Variants in ITGBL1 observed in about 807,000 individuals in gnomAD.
ITGBL1 encodes integrin subunit beta like 1.
Under a neutral mutation model 68.5 loss-of-function variants are expected in ITGBL1, and 51 were observed. That is an observed-to-expected ratio of 0.74 (90% confidence interval 0.59 to 0.94). The LOEUF (loss-of-function observed/expected upper bound fraction) is 0.94, where lower values mean the gene tolerates loss of function less well. Ranked by LOEUF, ITGBL1 falls within the 40% of genes least tolerant of loss-of-function variation. The pLI is 0.00. For synonymous variants in ITGBL1, 209 were observed against 227.3 expected (o/e 0.92, Z 0.72); for missense variants, 649 against 647.4 (o/e 1.00, Z -0.03).
chr13:101,518,744 A>G (rs9557683), intron 2 of ITGBL1, among the ~76,000 whole-genome samples: 31,587 of 152,172 alleles, frequency 0.21, 3,615 homozygotes, highest in East Asian at 0.44. Flanking sequence ...GTTTTTATCA[A>G]TGTAACAATA....
At chr13:101,575,622 C>A in intron 4 of ITGBL1, 76 bp downstream of exon 4, 1 of 1,437,184 alleles carries the variant, frequency 7.0e-7, no homozygotes, top group Non-Finnish European at 9.7e-7. Context: ...TTTATCTCTA[C>A]ATAAGTTTCT....
chr13:101,598,141 C>G lies in ITGBL1; in HGVS notation c.869-12C>G, dbSNP rs745810021. 9 of 1,582,662 alleles carry G rather than the reference C, an allele frequency of 5.7e-6. No individual in the cohort carries two copies. Among genetic ancestry groups the G allele is most frequent in the Non-Finnish European group, 7.7e-6 (9 of 1,169,010 alleles). On this transcript the variant is annotated splice_polypyrimidine_tract_variant and intron_variant, in intron 6 of 10. Coordinates refer to ENST00000376180, the MANE Select transcript of ITGBL1 (RefSeq NM_004791.3). ...ATGTACATTTTTATTTTTTGCCACT[C>G]TCACTGTGAAGGTCATGGACAGTGT...
At chr13:101,699,911 G>T (rs922218038) in intron 8 of ITGBL1, among the ~76,000 whole-genome samples, 12 of 152,044 alleles carry the variant, frequency 7.9e-5, no homozygotes, top group Non-Finnish European at 5.9e-5. Context: ...CTCCAGTATG[G>T]GACACGCTCC....
At chr13:101,592,736 T>G (rs1450802887) in intron 6 of ITGBL1, among the ~76,000 whole-genome samples, 1 of 152,084 alleles carries the variant, frequency 6.6e-6, no homozygotes. Flanking sequence ...TGCAGAAGAA[T>G]GAGATTAAAT....
intron 7 of ITGBL1, among the ~76,000 whole-genome samples, chr13:101,601,229 G>A (rs547853783): frequency 6.6e-6 from 1 of 152,308 alleles, no homozygotes; most frequent in South Asian, 2.1e-4. Flanking sequence ...GCGTAGAGGT[G>A]TTTATAGTAT....
intron 3 of ITGBL1, among the ~76,000 whole-genome samples, chr13:101,569,148 G>A (rs1156585115): frequency 1.3e-5 from 2 of 151,184 alleles, no homozygotes; most frequent in Non-Finnish European, 2.9e-5. Flanking sequence ...GCCCCATAGC[G>A]TCTTTCATCT....
chr13:101,661,285 A>G (rs1264316570), intron 7 of ITGBL1, among the ~76,000 whole-genome samples: 1 of 152,148 alleles, frequency 6.6e-6, no homozygotes, highest in Non-Finnish European at 1.5e-5. Context: ...TAAACTCCGG[A>G]ATATCTTGAA....
chr13:101,569,756 A>G (rs2050243456), intron 3 of ITGBL1, among the ~76,000 whole-genome samples: 1 of 152,158 alleles, frequency 6.6e-6, no homozygotes, highest in Non-Finnish European at 1.5e-5. Flanking sequence ...ATTCTTAGGT[A>G]AAACACTAGA....
At chr13:101,462,462 A>G (rs1367743237) in intron 2 of ITGBL1, among the ~76,000 whole-genome samples, 2 of 152,208 alleles carry the variant, frequency 1.3e-5, no homozygotes, top group Non-Finnish European at 2.9e-5. Flanking sequence ...ATGGCAAGGG[A>G]GAGGTTCCAA....
chr13:101,513,966 T>A (rs1479038367), intron 2 of ITGBL1, among the ~76,000 whole-genome samples: 1 of 152,046 alleles, frequency 6.6e-6, no homozygotes, highest in Non-Finnish European at 1.5e-5. Context: ...TATATAGTGT[T>A]TGTTTATTCA....
intron 2 of ITGBL1, among the ~76,000 whole-genome samples, chr13:101,489,434 A>C (rs1421272817): frequency 6.6e-6 from 1 of 152,150 alleles, no homozygotes; most frequent in Non-Finnish European, 1.5e-5. Context: ...ACCTCAGCAC[A>C]CCCATTAAAT....
intron 6 of ITGBL1, among the ~76,000 whole-genome samples, chr13:101,597,507 C>G (rs2030048335): frequency 6.7e-6 from 1 of 150,246 alleles, no homozygotes; most frequent in Non-Finnish European, 1.5e-5. Context: ...ATTGCCAAAT[C>G]CACCAAATAC....
At chr13:101,698,798 T>C (rs2034064404) in intron 8 of ITGBL1, among the ~76,000 whole-genome samples, 1 of 152,192 alleles carries the variant, frequency 6.6e-6, no homozygotes. Flanking sequence ...TTGTTTAGCC[T>C]AATATAAGTT....
chr13:101,523,732 G>A (rs1471369363), intron 2 of ITGBL1, among the ~76,000 whole-genome samples: 1 of 68,184 alleles, frequency 1.5e-5, no homozygotes, highest in Non-Finnish European at 3.1e-5. Flanking sequence ...GCCAATTCTT[G>A]GAGGGGTTGT....
intron 2 of ITGBL1, among the ~76,000 whole-genome samples, chr13:101,525,373 T>A (rs1187174826): frequency 6.6e-6 from 1 of 152,088 alleles, no homozygotes; most frequent in South Asian, 2.1e-4. Flanking sequence ...AATTTTATTA[T>A]GGAAAAATAA....
Position 101,542,123 on chromosome 13 carries a change from T to C in ITGBL1, c.317-25576T>C, listed in dbSNP as rs551050628. On this transcript the variant is annotated intron_variant, in intron 2 of 10. Coordinates refer to ENST00000376180, the MANE Select transcript of ITGBL1 (RefSeq NM_004791.3). Reference sequence around the variant, plus strand: ...CTTTTGAATGTGTTTGCTCTTGCTTTTCTAGTTCTTTTAATTGTGATGTTA... The same window carrying C: ...CTTTTGAATGTGTTTGCTCTTGCTTCTCTAGTTCTTTTAATTGTGATGTTA... Among the ~76,000 whole-genome samples the C allele has an allele frequency of 5.0e-3, 760 of 152,236 alleles. 8 individuals are homozygous for C. The highest frequency in any genetic ancestry group is 7.4e-3 in the Non-Finnish European group (505 of 67,998).
chr13:101,534,228 A>T (rs1442662209), intron 2 of ITGBL1, among the ~76,000 whole-genome samples: 2 of 152,128 alleles, frequency 1.3e-5, no homozygotes, highest in Non-Finnish European at 2.9e-5. Context: ...ATGGGTGGGG[A>T]GGAAGGAGAA....
intron 6 of ITGBL1, among the ~76,000 whole-genome samples, chr13:101,592,535 G>A (rs1483922220): frequency 6.6e-6 from 1 of 152,108 alleles, no homozygotes; most frequent in Admixed American, 6.5e-5. Context: ...GATATCTCAT[G>A]ATCATGGATC....
At chr13:101,650,436 C>T (rs9585745) in intron 7 of ITGBL1, among the ~76,000 whole-genome samples, 2,565 of 151,784 alleles carry the variant, frequency 0.017, 70 homozygotes, top group African/African-American at 0.059. Flanking sequence ...TATCATGACC[C>T]TTATTTCATG....
Sources: gnomAD v4.1 joint callset for allele counts (sites outside exome capture counted in the v4.1 genomes callset) on GRCh38, gnomAD v4.1.1 for gene constraint, MANE v1.5 for transcripts, NCBI Gene and HGNC (gene_info 2026-07-23, HGNC 2026-07-21) for gene names.